MBD5: variants seen among roughly 807,000 people sequenced by gnomAD.
MBD5 encodes the protein methyl-CpG binding domain protein 5.
MBD5 carries 13 observed loss-of-function variants against 117.3 expected under a neutral mutation model. That is an observed-to-expected ratio of 0.11 (90% confidence interval 0.07 to 0.18). MBD5 has a LOEUF of 0.18. MBD5 is among the 10% of genes least tolerant of loss of function. The pLI is 1.00. For synonymous variants in MBD5, 727 were observed against 766.4 expected, an observed-to-expected ratio of 0.95 and a Z score of 0.85; for missense variants, 1,879 against 2,093.8, an observed-to-expected ratio of 0.90 and a Z score of 2.00.
chr2:148,122,869 A>G (rs1486738383), intron 1 of MBD5, among the ~76,000 whole-genome samples: 2 of 152,208 alleles, frequency 1.3e-5, no homozygotes, highest in African/African-American at 4.8e-5. Context: ...ATCACCTTCA[A>G]AGCTACATTT....
Position 148,484,005 on chromosome 2 carries a change from A to C in MBD5, c.3414A>C (p.Ala1138=), listed in dbSNP as rs1681254606. ...CTGTCTCAACACTTGGTGGGACAGC[A>C]GTGGTGTCAATGGCAGAAACATTGC... ...ALTVSTLGGT[A]VVSMAETLLN... Residue 1138 remains alanine, a synonymous_variant, in exon 9 of 14, where the codon GCA becomes GCC. Coordinates refer to ENST00000642680, the MANE Select transcript of MBD5 (RefSeq NM_001378120.1). 1.3e-6 allele frequency: 2 copies of C among 1,550,418 alleles called. No individual in the cohort carries two copies. Among genetic ancestry groups the C allele is most frequent in the Non-Finnish European group, 1.7e-6 (2 of 1,146,956 alleles).
intron 1 of MBD5, among the ~76,000 whole-genome samples, chr2:148,040,536 CATTA>C (rs1301612282): frequency 6.6e-6 from 1 of 152,058 alleles, no homozygotes; most frequent in Non-Finnish European, 1.5e-5. Flanking sequence ...GTATTTATAT[CATTA>C]ATTCATAATA....
intron 3 of MBD5, among the ~76,000 whole-genome samples, chr2:148,247,986 AAAAC>A (rs1367338127): frequency 6.6e-6 from 1 of 152,190 alleles, no homozygotes; most frequent in Admixed American, 6.5e-5. Flanking sequence ...CTAAGAGGCT[AAAAC>A]AAACAAACAC....
intron 8 of MBD5, among the ~76,000 whole-genome samples, chr2:148,474,192 A>G (rs1680884733): frequency 6.6e-6 from 1 of 152,074 alleles, no homozygotes; most frequent in South Asian, 2.1e-4. Flanking sequence ...CTTAAGGAAG[A>G]CTCCAAAATC....
At chr2:148,202,862 T>C (rs963395457) in intron 2 of MBD5, among the ~76,000 whole-genome samples, 2 of 151,938 alleles carry the variant, frequency 1.3e-5, no homozygotes, top group Admixed American at 1.3e-4. Context: ...AACCCATCTC[T>C]TAAATAAATA....
intron 3 of MBD5, among the ~76,000 whole-genome samples, chr2:148,317,175 C>T (rs189139977): frequency 6.6e-6 from 1 of 152,098 alleles, no homozygotes; most frequent in East Asian, 1.9e-4. Context: ...ATGGAGAAAC[C>T]CTGTCTCTAC....
chr2:148,045,376 A>T (rs1202527439), intron 1 of MBD5, among the ~76,000 whole-genome samples: 1 of 152,194 alleles, frequency 6.6e-6, no homozygotes, highest in East Asian at 1.9e-4. Flanking sequence ...ACATTACTTT[A>T]AAATATAACT....
intron 3 of MBD5, among the ~76,000 whole-genome samples, chr2:148,280,076 G>A (rs1214871886): frequency 3.9e-5 from 4 of 101,918 alleles, no homozygotes; most frequent in African/African-American, 7.8e-5. Context: ...CTTTTTTCTC[G>A]TTTCCTGGTT....
intron 4 of MBD5, among the ~76,000 whole-genome samples, chr2:148,387,831 A>T (rs541928240): frequency 1.3e-5 from 2 of 152,262 alleles, no homozygotes; most frequent in Admixed American, 1.3e-4. Context: ...TCTCTATGAA[A>T]AAACTATAGA....
chr2:148,077,965 G>A (rs928307075), intron 1 of MBD5, among the ~76,000 whole-genome samples: 5 of 152,076 alleles, frequency 3.3e-5, no homozygotes, highest in Non-Finnish European at 1.5e-5. Flanking sequence ...ATCTACTTAA[G>A]GTGTAAGGGG....
Position 148,283,801 on chromosome 2 carries a change from A to G in MBD5, c.-680+50406A>G, listed in dbSNP as rs183326820. Among the ~76,000 whole-genome samples, 397 of 152,330 alleles carry G rather than the reference A, an allele frequency of 2.6e-3. 9 individuals are homozygous for G. Among genetic ancestry groups the G allele is most frequent in the Non-Finnish European group, 1.3e-3 (91 of 68,024 alleles). On this transcript the variant is annotated intron_variant, in intron 3 of 13. Coordinates refer to ENST00000642680, the MANE Select transcript of MBD5 (RefSeq NM_001378120.1). ...AATTTCTGCCTCTGGGAGCCCAGAA[A>G]AAAAGTTAGCACACAAACATAGCTA... is the stretch of plus-strand genomic sequence containing the variant.
intron 1 of MBD5, among the ~76,000 whole-genome samples, chr2:148,133,869 T>C (rs1427486885): frequency 6.6e-6 from 1 of 151,986 alleles, no homozygotes; most frequent in Non-Finnish European, 1.5e-5. Flanking sequence ...CATACTATTT[T>C]CAGGAAATAA....
At chr2:148,096,933 C>G (rs1466671934) in intron 1 of MBD5, among the ~76,000 whole-genome samples, 1 of 151,836 alleles carries the variant, frequency 6.6e-6, no homozygotes, top group South Asian at 2.1e-4. Flanking sequence ...AAAATGAAAC[C>G]TTTGAAATAT....
chr2:148,489,869 G>T lies in MBD5; in HGVS notation c.4237G>T (p.Asp1413Tyr). ...LDHGKNVNEGDGFEYFKSASC... is the reference protein window; with the variant it reads ...LDHGKNVNEGYGFEYFKSASC... Reference sequence around the variant, plus strand: ...CCATGGGAAAAATGTGAACGAAGGAGATGGGTTTGAATATTTCAAGTCAGC... The same window carrying T: ...CCATGGGAAAAATGTGAACGAAGGATATGGGTTTGAATATTTCAAGTCAGC... Residue 1413 changes from aspartate (D) to tyrosine (Y), a missense_variant, in exon 11 of 14, where the codon GAT (aspartate) becomes TAT (tyrosine). Physicochemically the swap from Asp to Tyr is radical, Grantham distance 160. Around this residue, in one of 4 missense-constraint regions of MBD5, gnomAD observed 1,666 missense variants for 1,792.2 expected, o/e 0.93. Transcript: ENST00000642680. 1 of 1,614,146 alleles carries T rather than the reference G, an allele frequency of 6.2e-7. No individual in the cohort carries two copies. Among genetic ancestry groups the T allele is most frequent in the Middle Eastern group, 1.6e-4 (1 of 6,062 alleles).
intron 1 of MBD5, among the ~76,000 whole-genome samples, chr2:148,160,817 TC>T (rs1043749570): frequency 4.6e-5 from 7 of 152,218 alleles, no homozygotes; most frequent in Non-Finnish European, 1.0e-4. Flanking sequence ...TAATAATCCT[TC>T]CCTCCTTTTA....
intron 4 of MBD5, among the ~76,000 whole-genome samples, chr2:148,432,420 T>C (rs972397759): frequency 6.6e-6 from 1 of 152,138 alleles, no homozygotes; most frequent in African/African-American, 2.4e-5. Flanking sequence ...GCTTCTGCTG[T>C]GTTCATCATG....
intron 4 of MBD5, among the ~76,000 whole-genome samples, chr2:148,425,916 C>G (rs1705766280): frequency 6.6e-6 from 1 of 152,018 alleles, no homozygotes; most frequent in Non-Finnish European, 1.5e-5. Flanking sequence ...TATGTCAGCC[C>G]AAAATCTCCT....
At chr2:148,075,203 G>A (rs1695477164) in intron 1 of MBD5, among the ~76,000 whole-genome samples, 1 of 152,190 alleles carries the variant, frequency 6.6e-6, no homozygotes, top group Non-Finnish European at 1.5e-5. Context: ...TCAGAGTGTG[G>A]CCAAAGATGA....
chr2:148,238,575 C>T (rs1700140825), intron 3 of MBD5, among the ~76,000 whole-genome samples: 1 of 152,152 alleles, frequency 6.6e-6, no homozygotes, highest in African/African-American at 2.4e-5. Context: ...TTTTCTAGGT[C>T]TGCTATAACA....
Sources: gnomAD v4.1 joint callset for allele counts (sites outside exome capture counted in the v4.1 genomes callset) on GRCh38, gnomAD v4.1.1 for gene constraint, gnomAD v4.1.1 regional missense constraint, MANE v1.5 for transcripts, NCBI Gene and HGNC (gene_info 2026-07-23, HGNC 2026-07-21) for gene names.